DNAH11: variants seen among roughly 807,000 people sequenced by gnomAD.
DNAH11 encodes the protein axonemal beta dynein heavy chain 11.
DNAH11 carries 442 observed loss-of-function variants against 526.0 expected under a neutral mutation model. The observed-to-expected ratio is 0.84, with a 90% CI of 0.78 to 0.91. The LOEUF is 0.91. DNAH11 is among the 40% of genes least tolerant of loss of function. The pLI, the probability that DNAH11 is intolerant of heterozygous loss-of-function variation, is 0.00. For synonymous variants in DNAH11, 2,461 were observed against 1,935.9 expected, an observed-to-expected ratio of 1.27 and a Z score of -7.12; for missense variants, 6,989 against 5,448.7, an observed-to-expected ratio of 1.28 and a Z score of -8.90.
intron 37 of DNAH11, among the ~76,000 whole-genome samples, chr7:21,704,113 A>G (rs1408908921): frequency 1.3e-5 from 2 of 152,212 alleles, no homozygotes; most frequent in Non-Finnish European, 1.5e-5. Context: ...TGATTAATTT[A>G]AATTCTGGAG....
intron 48 of DNAH11, among the ~76,000 whole-genome samples, chr7:21,740,558 T>G (rs1281980481): frequency 6.6e-6 from 1 of 152,158 alleles, no homozygotes; most frequent in African/African-American, 2.4e-5. Context: ...AGAATTTCTT[T>G]CCTATGTAAG....
intron 60 of DNAH11, 141 bp from the exon 61 acceptor site, chr7:21,789,100 G>A: frequency 1.6e-6 from 1 of 634,090 alleles, no homozygotes; most frequent in Non-Finnish European, 2.7e-6. Context: ...ACCAGTTTGA[G>A]CAACATGAGA....
chr7:21,773,482 T>A (rs1218465419), intron 55 of DNAH11, among the ~76,000 whole-genome samples: 1 of 152,142 alleles, frequency 6.6e-6, no homozygotes, highest in Non-Finnish European at 1.5e-5. Context: ...TAGATAAAAA[T>A]CAAGTTGTGA....
chr7:21,826,517 TA>T (rs1790307121), intron 65 of DNAH11, among the ~76,000 whole-genome samples: 1 of 152,208 alleles, frequency 6.6e-6, no homozygotes. Context: ...TTTTGAAAAT[TA>T]ATCTACATGT....
At position 21,617,665 on chromosome 7, in the gene DNAH11, C is replaced by G. The variant is rs551195183; in HGVS notation, c.4142C>G (p.Thr1381Arg). 6.2e-7 allele frequency: 1 copy of G among 1,613,734 alleles called. No individual in the cohort carries two copies. The highest frequency in any genetic ancestry group is 8.5e-7 in the Non-Finnish European group (1 of 1,179,818). ...GAAGTCCGCGTCTGGGATGCTTACA[C>G]GGGCCTGGAAGGCACAGTTAAGGAC... ...NKEVRVWDAY[T>R]GLEGTVKDMT... is the part of the protein sequence containing the mutation. The change falls in exon 23 of 82, where the codon ACG becomes AGG. Residue 1381 changes from threonine to arginine, a missense_variant. Physicochemically the swap from Thr to Arg is moderately conservative, Grantham distance 71. Coordinates refer to ENST00000409508, the MANE Select transcript of DNAH11 (RefSeq NM_001277115.2).
At position 21,854,283 on chromosome 7, in the gene DNAH11, T is replaced by C. The variant is rs755721111; in HGVS notation, c.11062-32T>C. ...ATGCGTAGAGAATATGAAGAGTAAA[T>C]AAGTTACTTATTTTGTTTGATCCCA... On this transcript the variant is annotated intron_variant, in intron 67 of 81. Transcript: ENST00000409508. The C allele has an allele frequency of 4.4e-6, 7 of 1,608,764 alleles. No homozygotes were observed. The Admixed American group carries it at 1.2e-4, about 27-fold the overall frequency.
At chr7:21,552,066 A>G (rs766401991) in intron 2 of DNAH11, among the ~76,000 whole-genome samples, 4 of 152,128 alleles carry the variant, frequency 2.6e-5, no homozygotes, top group Non-Finnish European at 5.9e-5. Flanking sequence ...TGAGAGACAG[A>G]ATCAAGAAGC....
chr7:21,749,612 C>G (rs984415404), intron 52 of DNAH11, 66 bp from the exon 53 acceptor site: 2 of 1,592,946 alleles, frequency 1.3e-6, no homozygotes, highest in Non-Finnish European at 1.7e-6. Flanking sequence ...CCCCAGCACT[C>G]ACACACAACC....
chr7:21,899,247 A>C, intron 79 of DNAH11, 89 bp from the exon 80 acceptor site: 1 of 1,003,136 alleles, frequency 1.0e-6, no homozygotes, highest in African/African-American at 1.6e-5. Context: ...CTCCACCACC[A>C]CCCTGCCCTA....
chr7:21,716,899 G>T (rs987281809), intron 42 of DNAH11, among the ~76,000 whole-genome samples: 1 of 152,094 alleles, frequency 6.6e-6, no homozygotes, highest in Non-Finnish European at 1.5e-5. Flanking sequence ...AAAGTGAAAG[G>T]AGCCGTTTGT....
intron 34 of DNAH11, among the ~76,000 whole-genome samples, chr7:21,689,126 G>C (rs1437122890): frequency 6.6e-6 from 1 of 152,118 alleles, no homozygotes; most frequent in Non-Finnish European, 1.5e-5. Flanking sequence ...TTGTGTTCAG[G>C]TGTCTGTTTC....
intron 54 of DNAH11, among the ~76,000 whole-genome samples, chr7:21,764,084 G>A (rs1787057494): frequency 6.6e-6 from 1 of 152,094 alleles, no homozygotes; most frequent in African/African-American, 2.4e-5. Flanking sequence ...TTTCAGTAAT[G>A]CAAGGTGAAA....
chr7:21,802,808 T>G (rs1224898056), intron 62 of DNAH11, among the ~76,000 whole-genome samples: 1 of 151,792 alleles, frequency 6.6e-6, no homozygotes, highest in African/African-American at 2.4e-5. Flanking sequence ...AGACGCAAAA[T>G]AGACTAATGG....
At chr7:21,749,256 G>C (rs1296352073) in intron 52 of DNAH11, among the ~76,000 whole-genome samples, 10 of 152,098 alleles carry the variant, frequency 6.6e-5, no homozygotes. Context: ...TGTGCCAAGT[G>C]ATATTTTAAG....
At chr7:21,577,652 G>C (rs1784150377) in intron 8 of DNAH11, among the ~76,000 whole-genome samples, 1 of 152,202 alleles carries the variant, frequency 6.6e-6, no homozygotes, top group South Asian at 2.1e-4. Context: ...ACCCTTGGTG[G>C]ATGAGTAAAT....
intron 49 of DNAH11, among the ~76,000 whole-genome samples, chr7:21,743,293 A>G (rs1306198278): frequency 2.0e-5 from 3 of 152,252 alleles, no homozygotes; most frequent in African/African-American, 7.2e-5. Flanking sequence ...TTTTAAACAT[A>G]TATGAAGAGA....
intron 66 of DNAH11, among the ~76,000 whole-genome samples, chr7:21,850,962 A>G (rs137991554): frequency 6.6e-6 from 1 of 152,266 alleles, no homozygotes; most frequent in African/African-American, 2.4e-5. Context: ...CTTTTCTCTT[A>G]TAATTACATC....
chr7:21,781,945 G>T (rs1217848840), intron 57 of DNAH11, among the ~76,000 whole-genome samples: 30 of 152,158 alleles, frequency 2.0e-4, no homozygotes. Flanking sequence ...CTGCTGATGT[G>T]TCTTGTGTGT....
intron 25 of DNAH11, among the ~76,000 whole-genome samples, chr7:21,623,206 A>G (rs563670324): frequency 7.2e-5 from 11 of 152,360 alleles, no homozygotes; most frequent in South Asian, 4.1e-4. Context: ...CAAAAAACAC[A>G]TGAAAAAGTG....
Sources: allele counts gnomAD v4.1 joint callset (sites outside exome capture counted in the v4.1 genomes callset), GRCh38; gene constraint gnomAD v4.1.1; transcripts MANE v1.5; gene names NCBI Gene and HGNC (gene_info 2026-07-23, HGNC 2026-07-21).